OSBPL6: variants seen among roughly 807,000 people sequenced by gnomAD.
The protein encoded by OSBPL6 is oxysterol-binding protein-related protein 6.
OSBPL6 carries 49 observed loss-of-function variants against 125.8 expected under a neutral mutation model. That is an observed-to-expected ratio of 0.39 (90% confidence interval 0.31 to 0.49). OSBPL6 has a LOEUF of 0.49. OSBPL6 is among the 20% of genes least tolerant of loss of function. The pLI is 0.88. For synonymous variants in OSBPL6, 394 were observed against 391.8 expected (o/e 1.01, Z -0.07); for missense variants, 986 against 1,135.4 (o/e 0.87, Z 1.89).
chr2:178,362,161 A>T (rs989775039), intron 13 of OSBPL6, among the ~76,000 whole-genome samples: 1 of 152,196 alleles, frequency 6.6e-6, no homozygotes, highest in East Asian at 1.9e-4. Flanking sequence ...GTGTTCCAGG[A>T]TATATTCAGT....
At chr2:178,245,666 G>C (rs1387617380) in intron 1 of OSBPL6, among the ~76,000 whole-genome samples, 4 of 152,066 alleles carry the variant, frequency 2.6e-5, no homozygotes, top group Non-Finnish European at 1.5e-5. Flanking sequence ...TTGACTTCAG[G>C]GTACATCCAC....
chr2:178,276,465 C>T (rs1048297407), intron 1 of OSBPL6, among the ~76,000 whole-genome samples: 19 of 150,830 alleles, frequency 1.3e-4, no homozygotes, highest in Admixed American at 2.6e-4. Flanking sequence ...CTCTGCCTGC[C>T]GGGTTCAAGT....
chr2:178,232,407 C>G (rs2090871323), intron 1 of OSBPL6, among the ~76,000 whole-genome samples: 1 of 152,166 alleles, frequency 6.6e-6, no homozygotes, highest in Admixed American at 6.5e-5. Context: ...GGGGAAGGCT[C>G]TGGACTCAAA....
At position 178,400,171 on chromosome 2, in the gene OSBPL6, T is replaced by C. The variant is rs551879859; in HGVS notation, c.*4612T>C. 1 of 152,288 alleles carries C rather than the reference T, an allele frequency of 6.6e-6. No homozygotes were observed. The highest frequency in any genetic ancestry group is 2.4e-5 in the African/African-American group (1 of 41,572). The allele number at this position is 152,288 out of a possible 1,614,324, so 9.4% of individuals were successfully genotyped here. A position where few individuals can be genotyped will look rare whatever the true frequency, so the allele number is the denominator to read the frequency against. On this transcript the variant is annotated 3_prime_UTR_variant, in exon 25 of 25. Coordinates refer to ENST00000190611, the MANE Select transcript of OSBPL6 (RefSeq NM_032523.4). ...GCTAGAACTATTACTTCTTTTATCT[T>C]AGACACCCACTTTCCCTTAATTCTC...
chr2:178,231,809 T>C (rs1048980045), intron 1 of OSBPL6, among the ~76,000 whole-genome samples: 2 of 152,014 alleles, frequency 1.3e-5, no homozygotes, highest in Non-Finnish European at 2.9e-5. Flanking sequence ...GCTGTGTCCC[T>C]CTAATTAAAA....
intron 13 of OSBPL6, among the ~76,000 whole-genome samples, chr2:178,371,198 A>G (rs527761042): frequency 6.6e-6 from 1 of 152,268 alleles, no homozygotes; most frequent in South Asian, 2.1e-4. Context: ...TTGTCTTCTC[A>G]CAGGTCTTTA....
At chr2:178,373,673 G>A (rs1007354904) in intron 14 of OSBPL6, among the ~76,000 whole-genome samples, 5 of 152,260 alleles carry the variant, frequency 3.3e-5, no homozygotes, top group Middle Eastern at 3.4e-3. Context: ...TAAAATCAAG[G>A]CACAGTACCA....
intron 2 of OSBPL6, among the ~76,000 whole-genome samples, chr2:178,299,081 T>C (rs1432795267): frequency 6.6e-6 from 1 of 152,250 alleles, no homozygotes; most frequent in Non-Finnish European, 1.5e-5. Context: ...TATTTCCCAG[T>C]ATTATTTTTC....
intron 1 of OSBPL6, among the ~76,000 whole-genome samples, chr2:178,237,246 C>T (rs1185073214): frequency 6.6e-6 from 1 of 152,288 alleles, no homozygotes; most frequent in East Asian, 1.9e-4. Flanking sequence ...GTGTTTTCCT[C>T]GCCAAGACCC....
intron 1 of OSBPL6, among the ~76,000 whole-genome samples, chr2:178,197,655 TA>T (rs764953770): frequency 6.6e-6 from 1 of 152,184 alleles, no homozygotes; most frequent in African/African-American, 2.4e-5. Flanking sequence ...TATACTGTAA[TA>T]AAAAGTTATG....
At chr2:178,365,263 G>C (rs1692724020) in intron 13 of OSBPL6, among the ~76,000 whole-genome samples, 2 of 152,160 alleles carry the variant, frequency 1.3e-5, no homozygotes, top group Non-Finnish European at 2.9e-5. Context: ...TTTGATGTAT[G>C]TCTAATGATT....
intron 1 of OSBPL6, among the ~76,000 whole-genome samples, chr2:178,216,653 G>A (rs760762048): frequency 5.9e-5 from 9 of 152,238 alleles, no homozygotes; most frequent in South Asian, 4.1e-4. Context: ...TGGATGCTAA[G>A]AATGGAGGCT....
chr2:178,200,855 G>A (rs1333706309), intron 1 of OSBPL6, among the ~76,000 whole-genome samples: 1 of 151,924 alleles, frequency 6.6e-6, no homozygotes, highest in Non-Finnish European at 1.5e-5. Context: ...GAGTGCAGTG[G>A]CGCGATCTCG....
At position 178,391,073 on chromosome 2, in the gene OSBPL6, G is replaced by A. The variant is rs745565074; in HGVS notation, c.2302G>A (p.Val768Met). 1.9e-6 allele frequency: 3 copies of A among 1,613,084 alleles called. No homozygotes were observed. The highest frequency in any genetic ancestry group is 4.5e-5 in the East Asian group (2 of 44,852). The change falls in exon 22 of 25, where the codon GTG becomes ATG. Residue 768 changes from valine (V) to methionine (M), a missense_variant and splice_region_variant. This residue lies in a region of OSBPL6 where 843 missense variants were observed against 997.3 expected (regional missense o/e 0.85). Coordinates refer to ENST00000190611, the MANE Select transcript of OSBPL6 (RefSeq NM_032523.4). Reference protein sequence around the residue: ...VCICKLTFVKVNYWNSNMNEV... With the variant: ...VCICKLTFVKMNYWNSNMNEV... ...CACAATTGGGGTTTGGTTTTTCCAG[G>A]TGAATTATTGGAATTCTAACATGAA...
intron 1 of OSBPL6, among the ~76,000 whole-genome samples, chr2:178,272,638 T>C (rs1355394342): frequency 6.6e-6 from 1 of 152,250 alleles, no homozygotes; most frequent in Non-Finnish European, 1.5e-5. Context: ...TTCTCCTCTC[T>C]CAGTTTGCTT....
chr2:178,309,203 C>T lies in OSBPL6; in HGVS notation c.102+2917C>T, dbSNP rs186717168. On this transcript the variant is annotated intron_variant, in intron 3 of 24. Transcript: ENST00000190611. ...CCACGCAAACCCACTTTACCCTCTCCTTCCTCTGAACTTTTATAGACCTTT... is the reference window on the plus strand; with the variant it reads ...CCACGCAAACCCACTTTACCCTCTCTTTCCTCTGAACTTTTATAGACCTTT... Among the ~76,000 whole-genome samples the T allele has an allele frequency of 4.5e-3, 685 of 152,220 alleles. 7 individuals are homozygous for T. The highest frequency in any genetic ancestry group is 0.027 in the Middle Eastern group (8 of 294).
Position 178,339,112 on chromosome 2 carries a change from G to A in OSBPL6, c.894+18G>A. The A allele has an allele frequency of 6.8e-7, 1 of 1,479,890 alleles. No homozygotes were observed. The highest frequency in any genetic ancestry group is 9.4e-7 in the Non-Finnish European group (1 of 1,061,268). 91.7% of individuals were successfully genotyped at this position (1,479,890 alleles called of 1,614,324 possible). On this transcript the variant is annotated intron_variant, in intron 10 of 24. Transcript: ENST00000190611. Reference sequence around the variant, plus strand: ...ACATGCAGGTAAACATATTCCTGCTGCTGGTAAAAGGACTTAGGGTATTAA... The same window carrying A: ...ACATGCAGGTAAACATATTCCTGCTACTGGTAAAAGGACTTAGGGTATTAA...
At chr2:178,333,135 C>T in intron 8 of OSBPL6, 94 bp downstream of exon 8, 1 of 1,399,842 alleles carries the variant, frequency 7.1e-7, no homozygotes, top group Non-Finnish European at 9.9e-7. Flanking sequence ...GTAATCCCAG[C>T]ACTTTGGGAG....
intron 2 of OSBPL6, among the ~76,000 whole-genome samples, chr2:178,292,863 T>C (rs1685411416): frequency 6.6e-6 from 1 of 152,162 alleles, no homozygotes; most frequent in Non-Finnish European, 1.5e-5. Context: ...GGTGTGTGCC[T>C]ATTCTGAGGT....
Sources: gnomAD v4.1 joint callset for allele counts (sites outside exome capture counted in the v4.1 genomes callset) on GRCh38, gnomAD v4.1.1 for gene constraint, gnomAD v4.1.1 regional missense constraint, MANE v1.5 for transcripts, NCBI Gene and HGNC (gene_info 2026-07-23, HGNC 2026-07-21) for gene names.